The following FAM228B variants were observed in gnomAD, a reference collection of about 807,000 sequenced individuals.
The protein encoded by FAM228B is family with sequence similarity 228 member B, also known as protein FAM228B.
In FAM228B, 38 loss-of-function variants were observed where a neutral mutation model predicts 42.6. The ratio of observed to expected loss-of-function variants is 0.89; its 90% confidence interval spans 0.69 to 1.17. FAM228B has a LOEUF of 1.17. FAM228B is among the 50% of genes most tolerant of loss of function. FAM228B has a pLI of 0.00. For synonymous variants in FAM228B, 109 were observed against 122.3 expected (o/e 0.89, Z 0.72); for missense variants, 344 against 367.3 (o/e 0.94, Z 0.52).
chr2:24,083,625 C>T (rs954287676), intron 2 of FAM228B, among the ~76,000 whole-genome samples: 1 of 152,200 alleles, frequency 6.6e-6, no homozygotes, highest in South Asian at 2.1e-4. Flanking sequence ...TTTTGTGCCC[C>T]GGGGGATTCT....
At chr2:24,105,757 T>A (rs958896101) in intron 3 of FAM228B, among the ~76,000 whole-genome samples, 1 of 152,096 alleles carries the variant, frequency 6.6e-6, no homozygotes, top group African/African-American at 2.4e-5. Context: ...ATAGCCTCTA[T>A]AAAAAAGAAC....
intron 5 of FAM228B, 119 bp downstream of exon 5, chr2:24,139,569 T>C (rs1666699061): frequency 4.0e-6 from 2 of 496,702 alleles, no homozygotes; most frequent in Non-Finnish European, 7.1e-6. Flanking sequence ...TTAAGCATAG[T>C]TTCCCATCGC....
intron 3 of FAM228B, among the ~76,000 whole-genome samples, chr2:24,114,693 T>C (rs1248164094): frequency 2.0e-5 from 3 of 152,162 alleles, no homozygotes; most frequent in Non-Finnish European, 4.4e-5. Context: ...CAGGCTGGCC[T>C]GAGGATGTTG....
Position 24,084,193 on chromosome 2 carries a change from A to G in FAM228B, c.-210+3238A>G, listed in dbSNP as rs1237619670. On this transcript the variant is annotated intron_variant, in intron 2 of 10. Coordinates refer to the FAM228B transcript ENST00000613899. This position sits in a 1 kb window ranked among gnomAD's most constrained non-coding sequence, Gnocchi z 8.4. ...GCGCGGCTGAGCCCTGGGTACCTGC[A>G]TTAAGTCCGCCCGGTTCAGGGCGCT... 6.2e-7 allele frequency: 1 copy of G among 1,612,152 alleles called. No individual in the cohort carries two copies. Among genetic ancestry groups the G allele is most frequent in the Admixed American group, 1.7e-5 (1 of 59,928 alleles).
At chr2:24,130,141 T>C (rs1666421212) in intron 2 of FAM228B, among the ~76,000 whole-genome samples, 1 of 152,208 alleles carries the variant, frequency 6.6e-6, no homozygotes, top group African/African-American at 2.4e-5. Context: ...AAGGACATGA[T>C]CTCATTCCCT....
At chr2:24,159,164 A>G (rs1667231154) in intron 7 of FAM228B, among the ~76,000 whole-genome samples, 1 of 152,230 alleles carries the variant, frequency 6.6e-6, no homozygotes, top group South Asian at 2.1e-4. Flanking sequence ...TTTTAACCTG[A>G]TAACATCTGC....
chr2:24,150,750 C>G (rs945136729), intron 7 of FAM228B, among the ~76,000 whole-genome samples: 1 of 152,072 alleles, frequency 6.6e-6, no homozygotes, highest in Non-Finnish European at 1.5e-5. Context: ...ATATGTCATG[C>G]CACTCTCTCC....
chr2:24,116,754 T>C (rs573673045), intron 3 of FAM228B, among the ~76,000 whole-genome samples: 52 of 151,970 alleles, frequency 3.4e-4, no homozygotes, highest in African/African-American at 1.2e-3. Context: ...CTTGGGAGGC[T>C]GAGGCAGGAG....
chr2:24,151,878 A>G (rs1667032020), intron 7 of FAM228B, among the ~76,000 whole-genome samples: 1 of 150,976 alleles, frequency 6.6e-6, no homozygotes, highest in South Asian at 2.1e-4. Flanking sequence ...TTATTTATTT[A>G]TTTATTTTGA....
intron 5 of FAM228B, among the ~76,000 whole-genome samples, chr2:24,141,571 G>C (rs1268302175): frequency 6.6e-6 from 1 of 151,472 alleles, no homozygotes; most frequent in South Asian, 2.1e-4. Context: ...GTAGAGACGG[G>C]GTTTCACCAT....
chr2:24,160,440 G>A (rs780818125), intron 7 of FAM228B, among the ~76,000 whole-genome samples: 9 of 151,656 alleles, frequency 5.9e-5, no homozygotes, highest in Non-Finnish European at 1.3e-4. Context: ...CTGCTTCTGG[G>A]CTCAGATTAG....
Position 24,169,250 on chromosome 2 carries a change from A to G in FAM228B, c.*15-106A>G. The stretch of plus-strand genomic sequence containing the variant: ...ATGAGTCACTCGGCTCTGGCAGGAC[A>G]GGCTTCAGGGGGATCAGCTCAGCTT... On this transcript the variant is annotated intron_variant, in intron 10 of 10. Transcript: ENST00000615575. This position sits in a 1 kb window ranked among gnomAD's most constrained non-coding sequence, Gnocchi z 4.2. 5.4e-6 allele frequency: 2 copies of G among 371,132 alleles called. No individual in the cohort carries two copies. The highest frequency in any genetic ancestry group is 4.0e-5 in the South Asian group (2 of 50,564). The allele number at this position is 371,132 out of a possible 1,614,324, so 23.0% of individuals were successfully genotyped here.
At chr2:24,154,747 G>A (rs150568302) in intron 7 of FAM228B, among the ~76,000 whole-genome samples, 1 of 152,134 alleles carries the variant, frequency 6.6e-6, no homozygotes, top group Non-Finnish European at 1.5e-5. Context: ...TCTTTGCCTT[G>A]AAATCTGATG....
intron 2 of FAM228B, chr2:24,081,140 C>A: frequency 3.6e-6 from 1 of 280,668 alleles, no homozygotes; most frequent in Non-Finnish European, 4.9e-6. Flanking sequence ...CCAAATCAAT[C>A]TTTTGCTTTT....
At chr2:24,158,978 G>A (rs1667226187) in intron 7 of FAM228B, among the ~76,000 whole-genome samples, 1 of 152,170 alleles carries the variant, frequency 6.6e-6, no homozygotes, top group Non-Finnish European at 1.5e-5. Flanking sequence ...CCTAGCTACT[G>A]ATGGTTGAAG....
chr2:24,148,808 G>A (rs765328741), intron 7 of FAM228B, among the ~76,000 whole-genome samples: 25 of 151,922 alleles, frequency 1.6e-4, no homozygotes, highest in Non-Finnish European at 3.4e-4. Context: ...TATCATATAC[G>A]AGGTCTTATT....
chr2:24,163,867 A>G (rs554659825), intron 8 of FAM228B, among the ~76,000 whole-genome samples: 38 of 152,254 alleles, frequency 2.5e-4, no homozygotes, highest in African/African-American at 7.5e-4. Flanking sequence ...CAATTCTGGC[A>G]GCAGGGGTGG....
upstream of FAM228B, among the ~76,000 whole-genome samples, chr2:24,120,283 C>CAACAA (rs558516591): frequency 4.2e-4 from 63 of 150,950 alleles, no homozygotes; most frequent in East Asian, 2.9e-3. Flanking sequence ...AAAAAAACAA[C>CAACAA]AACAAAACAA....
intron 2 of FAM228B, among the ~76,000 whole-genome samples, chr2:24,085,486 C>T (rs919866242): frequency 1.3e-5 from 2 of 152,128 alleles, no homozygotes; most frequent in Admixed American, 6.5e-5. Flanking sequence ...CCGTAGCACT[C>T]CTTGTAAATT....
Sources: allele counts gnomAD v4.1 joint callset (sites outside exome capture counted in the v4.1 genomes callset), GRCh38; gene constraint gnomAD v4.1.1; non-coding constraint Gnocchi (gnomAD v3.1); transcripts MANE v1.5; gene names NCBI Gene and HGNC (gene_info 2026-07-23, HGNC 2026-07-21).